The following ADAMTSL1 variants were observed in gnomAD, a reference collection of about 807,000 sequenced individuals.
ADAMTSL1 encodes the protein ADAMTS like 1.
ADAMTSL1 carries 126 observed loss-of-function variants against 201.8 expected under a neutral mutation model. That is an observed-to-expected ratio of 0.62 (90% CI 0.54 to 0.72). The LOEUF (loss-of-function observed/expected upper bound fraction) is 0.72, where lower values mean the gene tolerates loss of function less well. Ranked by LOEUF, ADAMTSL1 falls within the 30% of genes least tolerant of loss-of-function variation. The probability of loss-of-function intolerance (pLI) is 0.00; values close to 1 mark genes in which losing one functional copy is unlikely to be tolerated. For synonymous variants in ADAMTSL1, 1,121 were observed against 903.4 expected, an observed-to-expected ratio of 1.24 and a Z score of -4.32; for missense variants, 2,679 against 2,277.8, an observed-to-expected ratio of 1.18 and a Z score of -3.59.
chr9:17,987,505 G>A (rs1384944086), intron 1 of ADAMTSL1, among the ~76,000 whole-genome samples: 1 of 151,880 alleles, frequency 6.6e-6, no homozygotes, highest in South Asian at 2.1e-4. Context: ...GAAGAGGGAA[G>A]TGTTTAAAAT....
At chr9:18,600,354 G>A (rs887574164) in intron 4 of ADAMTSL1, among the ~76,000 whole-genome samples, 2 of 152,160 alleles carry the variant, frequency 1.3e-5, no homozygotes, top group African/African-American at 4.8e-5. Flanking sequence ...TGCCCAAAAA[G>A]TCTAGTTTTC....
chr9:18,726,546 C>T lies in ADAMTSL1; in HGVS notation c.2006+4881C>T, dbSNP rs549861390. Among the ~76,000 whole-genome samples the T allele has an allele frequency of 7.9e-5, 12 of 151,964 alleles. No homozygotes were observed. The East Asian group carries it at 1.7e-3, about 22-fold the overall frequency. On this transcript the variant is annotated intron_variant, in intron 15 of 28. Coordinates refer to ENST00000380548, the MANE Select transcript of ADAMTSL1 (RefSeq NM_001040272.6). ...AAAATAAGCTTTAGCAACTATCTCC[C>T]TGGTTTACAATAGCAATGACATGAG...
chr9:18,262,318 G>A (rs997228447), intron 2 of ADAMTSL1, among the ~76,000 whole-genome samples: 3 of 152,226 alleles, frequency 2.0e-5, no homozygotes, highest in Admixed American at 6.5e-5. Context: ...AGTGCCCACA[G>A]CTTCAACCAA....
In ADAMTSL1 at chr9:18,319,887, T is replaced by G. The variant is rs147005268; in HGVS notation, c.207+155906T>G. Among the ~76,000 whole-genome samples the G allele has an allele frequency of 4.9e-4, 75 of 152,302 alleles. 1 individual carries two copies. The highest frequency in any genetic ancestry group is 6.8e-4 in the Non-Finnish European group (46 of 68,028). ...GGGCATGGAGAAGGGGAGGTTATTC[T>G]AGATTATCCTGGTGGGCTCGGCTGG... On this transcript the variant is annotated intron_variant, in intron 2 of 29. Transcript: ENST00000680146.
At chr9:18,582,897 A>G (rs1423038082) in intron 4 of ADAMTSL1, among the ~76,000 whole-genome samples, 1 of 151,540 alleles carries the variant, frequency 6.6e-6, no homozygotes, top group East Asian at 1.9e-4. Flanking sequence ...TAAAAATAAA[A>G]TAAAATAAAA....
chr9:18,181,018 A>G (rs1054051435), intron 2 of ADAMTSL1, among the ~76,000 whole-genome samples: 2 of 152,170 alleles, frequency 1.3e-5, no homozygotes, highest in Non-Finnish European at 2.9e-5. Context: ...CAAACCTGAC[A>G]AAAACAAGCA....
chr9:18,802,456 T>A (rs1422516507), intron 20 of ADAMTSL1, among the ~76,000 whole-genome samples: 5 of 152,226 alleles, frequency 3.3e-5, no homozygotes, highest in Admixed American at 6.5e-5. Context: ...ATATTTTATA[T>A]AATTAGAATC....
intron 1 of ADAMTSL1, among the ~76,000 whole-genome samples, chr9:17,987,640 A>G (rs1018887240): frequency 6.6e-6 from 1 of 152,090 alleles, no homozygotes; most frequent in Non-Finnish European, 1.5e-5. Context: ...GTGCCCAAGA[A>G]GCACTTGGTA....
intron 9 of ADAMTSL1, among the ~76,000 whole-genome samples, chr9:18,663,095 A>G (rs1025645749): frequency 1.6e-4 from 25 of 152,132 alleles, no homozygotes; most frequent in African/African-American, 6.0e-4. Flanking sequence ...AAATCATTCT[A>G]TTTTGAGGTG....
intron 21 of ADAMTSL1, among the ~76,000 whole-genome samples, chr9:18,825,962 T>A (rs1824527452): frequency 6.6e-6 from 1 of 152,220 alleles, no homozygotes; most frequent in East Asian, 1.9e-4. Context: ...AAGCCCCCCC[T>A]GCCAGCTTCC....
chr9:18,243,801 C>T (rs967858854), intron 2 of ADAMTSL1, among the ~76,000 whole-genome samples: 8 of 152,046 alleles, frequency 5.3e-5, no homozygotes, highest in African/African-American at 1.9e-4. Context: ...CTAAATTATC[C>T]ACTGCTGCTT....
intron 2 of ADAMTSL1, among the ~76,000 whole-genome samples, chr9:18,327,220 T>C (rs1834862452): frequency 6.6e-6 from 1 of 152,238 alleles, no homozygotes; most frequent in Admixed American, 6.5e-5. Context: ...TGTTCTGATA[T>C]TGCATTTTAC....
At chr9:18,535,777 G>A (rs1819728951) in intron 3 of ADAMTSL1, among the ~76,000 whole-genome samples, 1 of 152,220 alleles carries the variant, frequency 6.6e-6, no homozygotes, top group South Asian at 2.1e-4. Context: ...TGAGAACTGA[G>A]TGAAGGGAGA....
At chr9:18,733,607 G>A (rs1027834896) in intron 15 of ADAMTSL1, among the ~76,000 whole-genome samples, 3 of 149,944 alleles carry the variant, frequency 2.0e-5, no homozygotes, top group Non-Finnish European at 4.4e-5. Flanking sequence ...TGTTCATGTT[G>A]TAAATTACCG....
chr9:18,846,699 A>G (rs922145871), intron 23 of ADAMTSL1, among the ~76,000 whole-genome samples: 2 of 152,148 alleles, frequency 1.3e-5, no homozygotes, highest in Non-Finnish European at 2.9e-5. Context: ...TGTTTAGGAA[A>G]TTGTTGCAGT....
chr9:18,899,719 G>T (rs1046532569), intron 26 of ADAMTSL1, among the ~76,000 whole-genome samples: 5 of 152,180 alleles, frequency 3.3e-5, no homozygotes, highest in African/African-American at 9.6e-5. Context: ...GATGGTGCTT[G>T]GATAACTGGC....
At chr9:18,705,182 T>C (rs929969528) in intron 13 of ADAMTSL1, among the ~76,000 whole-genome samples, 3 of 152,254 alleles carry the variant, frequency 2.0e-5, no homozygotes, top group African/African-American at 7.2e-5. Flanking sequence ...CTTGCTAGCA[T>C]TTAATGCTAT....
At chr9:18,738,336 C>T (rs1429092100) in intron 15 of ADAMTSL1, among the ~76,000 whole-genome samples, 4 of 152,058 alleles carry the variant, frequency 2.6e-5, no homozygotes, top group East Asian at 1.9e-4. Flanking sequence ...CAAACATGTG[C>T]GTAGCCATCA....
intron 3 of ADAMTSL1, among the ~76,000 whole-genome samples, chr9:18,541,343 C>G (rs532151469): frequency 1.3e-3 from 203 of 152,176 alleles, no homozygotes; most frequent in African/African-American, 4.7e-3. Context: ...AACACCGTCT[C>G]TACTAAAAAT....
Sources: gnomAD v4.1 joint callset for allele counts (sites outside exome capture counted in the v4.1 genomes callset) on GRCh38, gnomAD v4.1.1 for gene constraint, MANE v1.5 for transcripts, NCBI Gene and HGNC (gene_info 2026-07-23, HGNC 2026-07-21) for gene names.